The following MXRA7 variants were observed in gnomAD, a reference collection of about 807,000 sequenced individuals.
MXRA7 encodes matrix-remodeling-associated protein 7.
A neutral mutation model predicts 17.4 loss-of-function variants in MXRA7; 18 were observed. The observed-to-expected ratio is 1.03, with a 90% CI of 0.71 to 1.53. The LOEUF is 1.53. Ranked by LOEUF, MXRA7 falls within the 40% of genes most tolerant of loss-of-function variation. The probability of loss-of-function intolerance (pLI) is 0.00; values close to 1 mark genes in which losing one functional copy is unlikely to be tolerated. For synonymous variants in MXRA7, 70 were observed against 101.7 expected (o/e 0.69, Z 1.87); for missense variants, 141 against 209.3 (o/e 0.67, Z 2.01).
chr17:76,680,423 C>T lies in MXRA7; in HGVS notation c.*444G>A, dbSNP rs1356697382. The T allele has an allele frequency of 1.0e-6, 1 of 987,696 alleles. No individual in the cohort carries two copies. Among genetic ancestry groups the T allele is most frequent in the East Asian group, 1.1e-4 (1 of 8,924 alleles). The allele number at this position is 987,696 out of a possible 1,614,324, so 61.2% of individuals were successfully genotyped here. On this transcript the variant is annotated 3_prime_UTR_variant, in exon 4 of 4. Coordinates refer to ENST00000449428, the MANE Select transcript of MXRA7 (RefSeq NM_198530.4). The stretch of plus-strand genomic sequence containing the variant: ...AGCTGGTGAGCACAGGTGAGCTCTA[C>T]CTCATTTGTCTCTCATTCCTCAAAG...
intron 2 of MXRA7, among the ~76,000 whole-genome samples, chr17:76,687,087 T>G (rs1170300301): frequency 2.0e-5 from 3 of 152,182 alleles, no homozygotes; most frequent in Non-Finnish European, 2.9e-5. Context: ...TTCAGCTGTC[T>G]CAGGCCACAT....
At chr17:76,691,284 T>C (rs948859367) in intron 1 of MXRA7, among the ~76,000 whole-genome samples, 2 of 152,216 alleles carry the variant, frequency 1.3e-5, no homozygotes, top group Non-Finnish European at 1.5e-5. Context: ...AGCTCCTGCA[T>C]TCAGGACCCT....
At chr17:76,705,997 C>T (rs182152390) in intron 1 of MXRA7, among the ~76,000 whole-genome samples, 50 of 149,944 alleles carry the variant, frequency 3.3e-4, no homozygotes, top group African/African-American at 1.2e-3. Context: ...AAGGCCCACA[C>T]TGCCATCACA....
At chr17:76,694,796 G>A (rs1179791899) in intron 1 of MXRA7, among the ~76,000 whole-genome samples, 1 of 152,104 alleles carries the variant, frequency 6.6e-6, no homozygotes, top group East Asian at 1.9e-4. Flanking sequence ...ATGTTGCCCA[G>A]GCTGGGCTTG....
At chr17:76,688,321 G>A (rs761981527) in intron 1 of MXRA7, 145 bp from the exon 2 acceptor site, 6 of 1,464,106 alleles carry the variant, frequency 4.1e-6, no homozygotes, top group Non-Finnish European at 5.4e-6. Flanking sequence ...TGTGGTCATG[G>A]TCAACCAGCA....
At chr17:76,677,608 G>A, downstream of MXRA7, 1 of 1,612,054 alleles carries the variant, frequency 6.2e-7, no homozygotes, top group Non-Finnish European at 8.5e-7. Context: ...TAGAGCCGGA[G>A]CTGCTCCTGC....
At chr17:76,676,607 A>G (rs1443660306), downstream of MXRA7, 1 of 152,110 alleles carries the variant, frequency 6.6e-6, no homozygotes, top group Non-Finnish European at 1.5e-5. Context: ...TACTAAAAAT[A>G]CAGAAATTAG....
At chr17:76,696,987 G>A (rs1249205333) in intron 1 of MXRA7, among the ~76,000 whole-genome samples, 1 of 152,178 alleles carries the variant, frequency 6.6e-6, no homozygotes, top group Non-Finnish European at 1.5e-5. Flanking sequence ...CATCATCACC[G>A]CGGAGTTCCT....
rs529975995 is a variant in MXRA7, at chr17:76,702,766, C to T, written c.342+7839G>A. 3.3e-5 allele frequency among the ~76,000 whole-genome samples: 5 copies of T among 150,798 alleles called. No individual in the cohort carries two copies. The South Asian group carries it at 1.0e-3, about 32-fold the overall frequency. Reference sequence around the variant, plus strand: ...ATTTGGGAGCCTGAGGCAAGAGAATCGCTGGAACCTGGGAGGGGTAGGTTG... The same window carrying T: ...ATTTGGGAGCCTGAGGCAAGAGAATTGCTGGAACCTGGGAGGGGTAGGTTG... On this transcript the variant is annotated intron_variant, in intron 1 of 3. Coordinates refer to ENST00000449428, the MANE Select transcript of MXRA7 (RefSeq NM_198530.4).
chr17:76,710,618 A>C lies in MXRA7; in HGVS notation c.329T>G (p.Val110Gly). ...CCCGGTGCGTACCTGCCTCGCCTCCACCGCCTGCTCCTCCGCCTCCGCTGG... is the reference window on the plus strand; with the variant it reads ...CCCGGTGCGTACCTGCCTCGCCTCCCCCGCCTGCTCCTCCGCCTCCGCTGG... ...AAPAEAEEQA[V>G]EARQEEEQDL... Residue 110 changes from valine (V) to glycine (G), a missense_variant, in exon 1 of 4, where the codon GTG (valine) becomes GGG (glycine). Around this residue, in one of 3 missense-constraint regions of MXRA7, gnomAD observed 67 missense variants for 80.3 expected, o/e 0.83. Transcript: ENST00000449428. The C allele has an allele frequency of 7.2e-7, 1 of 1,381,086 alleles. No homozygotes were observed. The highest frequency in any genetic ancestry group is 1.5e-5 in the African/African-American group (1 of 66,252). The allele number at this position is 1,381,086 out of a possible 1,614,324, so 85.6% of individuals were successfully genotyped here.
At chr17:76,682,440 A>G (rs1436061804) in intron 3 of MXRA7, among the ~76,000 whole-genome samples, 2 of 152,000 alleles carry the variant, frequency 1.3e-5, no homozygotes, top group Non-Finnish European at 2.9e-5. Flanking sequence ...CAGGCATGTT[A>G]TTTTTCATAC....
intron 2 of MXRA7, among the ~76,000 whole-genome samples, 198 bp downstream of exon 2, chr17:76,687,915 G>C (rs559284033): frequency 2.6e-5 from 4 of 152,256 alleles, no homozygotes; most frequent in African/African-American, 4.8e-5. Flanking sequence ...AAAGTGCAAT[G>C]GGGGTGAGGG....
At chr17:76,684,961 C>T in intron 3 of MXRA7, 111 bp downstream of exon 3, 2 of 855,708 alleles carry the variant, frequency 2.3e-6, no homozygotes, top group Non-Finnish European at 3.8e-6. Context: ...GTGTAGGAGC[C>T]CCACCTCCTT....
chr17:76,698,970 C>T (rs780142731), intron 1 of MXRA7, among the ~76,000 whole-genome samples: 1 of 152,126 alleles, frequency 6.6e-6, no homozygotes, highest in African/African-American at 2.4e-5. Context: ...ATCCGCCCAC[C>T]TCAGCCTCCC....
At chr17:76,703,055 T>C (rs890815218) in intron 1 of MXRA7, among the ~76,000 whole-genome samples, 1 of 151,486 alleles carries the variant, frequency 6.6e-6, no homozygotes, top group Non-Finnish European at 1.5e-5. Context: ...GAGGTTGCAG[T>C]GAGCTGAGAT....
intron 3 of MXRA7, among the ~76,000 whole-genome samples, chr17:76,682,751 G>T (rs1359070907): frequency 6.6e-6 from 1 of 152,156 alleles, no homozygotes; most frequent in Non-Finnish European, 1.5e-5. Context: ...TGATGGGAAT[G>T]AACGTGAACT....
chr17:76,710,489 T>C, intron 1 of MXRA7, 116 bp downstream of exon 1: 1 of 903,770 alleles, frequency 1.1e-6, no homozygotes, highest in East Asian at 4.0e-5. Flanking sequence ...GTTCTGCGCT[T>C]CCTGGGGGCA....
chr17:76,692,794 C>T (rs1278984686), intron 1 of MXRA7, among the ~76,000 whole-genome samples: 3 of 152,144 alleles, frequency 2.0e-5, no homozygotes, highest in African/African-American at 7.2e-5. Context: ...TACAGTACCC[C>T]CTCTAGTGCT....
At chr17:76,692,225 A>C (rs1271332848) in intron 1 of MXRA7, among the ~76,000 whole-genome samples, 1 of 151,856 alleles carries the variant, frequency 6.6e-6, no homozygotes, top group African/African-American at 2.4e-5. Context: ...AAAGAAAAAA[A>C]AAATTGTACT....
Sources: gnomAD v4.1 joint callset for allele counts (sites outside exome capture counted in the v4.1 genomes callset) on GRCh38, gnomAD v4.1.1 for gene constraint, gnomAD v4.1.1 regional missense constraint, MANE v1.5 for transcripts, NCBI Gene and HGNC (gene_info 2026-07-23, HGNC 2026-07-21) for gene names.